Variants in TECPR1 observed in about 807,000 individuals in gnomAD.
TECPR1 encodes tectonin beta-propeller repeat-containing protein 1.
In TECPR1, 122 loss-of-function variants were observed where a neutral mutation model predicts 162.4. The observed-to-expected ratio is 0.75, with a 90% confidence interval of 0.65 to 0.87. The LOEUF (loss-of-function observed/expected upper bound fraction) is 0.87, where lower values mean the gene tolerates loss of function less well. Among genes scored for constraint, TECPR1 ranks in the 40% least tolerant of loss-of-function variants. TECPR1 has a pLI of 0.00. For missense variants in TECPR1, 1,432 were observed against 1,618.2 expected (o/e 0.88, Z 1.97); for synonymous variants, 642 against 670.6 (o/e 0.96, Z 0.66).
rs563039040 is a variant in TECPR1, at chr7:98,233,118, T to C, written c.1673-146A>G. The C allele has an allele frequency of 2.0e-4, 183 of 916,952 alleles. No individual in the cohort carries two copies. In the African/African-American group the frequency reaches 2.5e-3, roughly 12 times the overall value. The allele number at this position is 916,952 out of a possible 1,614,324, so 56.8% of individuals were successfully genotyped here. A position where few individuals can be genotyped will look rare whatever the true frequency, so the allele number is the denominator to read the frequency against. On this transcript the variant is annotated intron_variant, in intron 11 of 25. Transcript: ENST00000447648. ...AGCCTCCTTCCACCCTTTGCCCTGT[T>C]GGATGAGTTGCTCTCCCCCAGTAAT...
Position 98,221,734 on chromosome 7 carries a change from G to A in TECPR1, c.3084C>T (p.Ile1028=). The part of the protein sequence containing the change: ...SQPAGDCWYH[I]PSPPRQRLKQ... ...TCAGCCTCTGTCTCGGTGGGGACGG[G>A]ATGTGGTACCAGCAGTCACCTGCGA... is the stretch of plus-strand genomic sequence containing the variant. Residue 1028 remains isoleucine, a synonymous_variant, in exon 23 of 26, where the codon ATC becomes ATT. Transcript: ENST00000447648. 1 of 1,611,126 alleles carries A rather than the reference G, an allele frequency of 6.2e-7. No individual in the cohort carries two copies. Among genetic ancestry groups the A allele is most frequent in the South Asian group, 1.1e-5 (1 of 90,908 alleles).
chr7:98,223,307 T>TGGCCCC, intron 20 of TECPR1, 137 bp from the exon 21 acceptor site: 1 of 782,472 alleles, frequency 1.3e-6, no homozygotes. Context: ...GGTGGCCTCC[T>TGGCCCC]CCCCACCCCC....
At chr7:98,231,442 C>G in intron 13 of TECPR1, 69 bp from the exon 14 acceptor site, 1 of 1,496,562 alleles carries the variant, frequency 6.7e-7, no homozygotes, top group Non-Finnish European at 9.0e-7. Flanking sequence ...GTGACCCCCA[C>G]TGTGCTTCAC....
intron 10 of TECPR1, among the ~76,000 whole-genome samples, 190 bp downstream of exon 10, chr7:98,236,586 T>G (rs142837137): frequency 0.015 from 2,334 of 151,130 alleles, 21 homozygotes; most frequent in Non-Finnish European, 0.026. Context: ...CCCCAGGACC[T>G]CCTCTCTGTG....
At chr7:98,226,427 C>T (rs535891984) in intron 17 of TECPR1, 1 of 985,350 alleles carries the variant, frequency 1.0e-6, no homozygotes, top group South Asian at 4.7e-5. Flanking sequence ...GTCAGATACA[C>T]TGGGTCCACT....
intron 11 of TECPR1, 178 bp from the exon 12 acceptor site, chr7:98,233,150 T>C: frequency 1.2e-6 from 1 of 840,802 alleles, no homozygotes; most frequent in East Asian, 2.9e-5. Flanking sequence ...TAATTCAGCC[T>C]GGAAAGCAGC....
rs1343666397 is a variant in TECPR1, at chr7:98,215,859, C to T, written c.*1531G>A. 2 of 152,254 alleles carry T rather than the reference C, an allele frequency of 1.3e-5. No homozygotes were observed. The highest frequency in any genetic ancestry group is 2.1e-4 in the South Asian group (1 of 4,834). 9.4% of individuals were successfully genotyped at this position (152,254 alleles called of 1,614,324 possible). A position where few individuals can be genotyped will look rare whatever the true frequency, so the allele number is the denominator to read the frequency against. On this transcript the variant is annotated 3_prime_UTR_variant, in exon 26 of 26. Transcript: ENST00000447648. ...GGACCCATTTCCAGAAACACTGGAA[C>T]ACCAGGTCTCTCAGATGCCCGCGGG...
intron 5 of TECPR1, 129 bp from the exon 6 acceptor site, chr7:98,243,721 G>C: frequency 8.0e-7 from 1 of 1,255,996 alleles, no homozygotes; most frequent in Non-Finnish European, 1.1e-6. Flanking sequence ...TTAATTCACA[G>C]GGAAGGCAGC....
At chr7:98,236,193 A>T (rs1255519358) in intron 10 of TECPR1, among the ~76,000 whole-genome samples, 1 of 152,188 alleles carries the variant, frequency 6.6e-6, no homozygotes, top group Non-Finnish European at 1.5e-5. Flanking sequence ...CCCACGGACC[A>T]CCAGGTGCAG....
rs144927659 is a variant in TECPR1 at position 98,241,039 on chromosome 7, G to A, written c.832+31C>T. On this transcript the variant is annotated intron_variant, in intron 7 of 25. Transcript: ENST00000447648. This position sits in a 1 kb window ranked among gnomAD's most constrained non-coding sequence, Gnocchi z 5.0. Reference sequence around the variant, plus strand: ...ACCCTCACCCTTCTCCCCAGTACAGGGTATGTGGGTGGGGGAGCCGGGCTG... The same window carrying A: ...ACCCTCACCCTTCTCCCCAGTACAGAGTATGTGGGTGGGGGAGCCGGGCTG... The A allele has an allele frequency of 3.4e-3, 5,488 of 1,592,752 alleles. 47 individuals carry two copies. The highest frequency in any genetic ancestry group is 0.034 in the Admixed American group (1,917 of 57,042).
chr7:98,238,099 G>A (rs546926235), intron 9 of TECPR1, among the ~76,000 whole-genome samples: 1 of 152,178 alleles, frequency 6.6e-6, no homozygotes, highest in East Asian at 1.9e-4. Flanking sequence ...AAGATGTAAA[G>A]TAACTTCCCT....
At chr7:98,225,592 T>G (rs1228138849) in intron 17 of TECPR1, among the ~76,000 whole-genome samples, 1 of 151,980 alleles carries the variant, frequency 6.6e-6, no homozygotes, top group African/African-American at 2.4e-5. Context: ...GACACATGCA[T>G]AGAGGGGAAA....
At chr7:98,228,394 C>T in intron 16 of TECPR1, 2 of 418,316 alleles carry the variant, frequency 4.8e-6, no homozygotes, top group East Asian at 4.7e-5. Context: ...GCGCCTCTTC[C>T]CACCTTGCCC....
At chr7:98,226,373 G>T in intron 17 of TECPR1, 1 of 874,020 alleles carries the variant, frequency 1.1e-6, no homozygotes, top group Non-Finnish European at 1.4e-6. Context: ...TCCATAGGAC[G>T]CTGAAAAGGT....
At chr7:98,234,299 C>T (rs941492353) in intron 10 of TECPR1, among the ~76,000 whole-genome samples, 1 of 152,206 alleles carries the variant, frequency 6.6e-6, no homozygotes, top group South Asian at 2.1e-4. Flanking sequence ...AGATTACAGG[C>T]ATGCACCACC....
At chr7:98,218,167 G>A (rs1408044772) in intron 23 of TECPR1, 125 bp from the exon 24 acceptor site, 6 of 735,442 alleles carry the variant, frequency 8.2e-6, no homozygotes, top group Non-Finnish European at 1.4e-5. Flanking sequence ...TGCTGGGGAG[G>A]CAGGAGGGTC....
intron 23 of TECPR1, among the ~76,000 whole-genome samples, chr7:98,219,630 G>A (rs551282455): frequency 1.1e-3 from 172 of 152,348 alleles, no homozygotes; most frequent in African/African-American, 2.5e-3. Context: ...GGCTGGGCGC[G>A]GTGGCTCATG....
chr7:98,247,270 GACA>G (rs1272665140), intron 2 of TECPR1, among the ~76,000 whole-genome samples: 3 of 151,968 alleles, frequency 2.0e-5, no homozygotes, highest in Non-Finnish European at 2.9e-5. Flanking sequence ...AGCCTCCTGG[GACA>G]ACAACAGACA....
intron 8 of TECPR1, 110 bp downstream of exon 8, chr7:98,240,741 G>A: frequency 1.1e-6 from 1 of 911,200 alleles, no homozygotes; most frequent in Non-Finnish European, 1.6e-6. Context: ...TTTAATTTGA[G>A]ACAGGGTCTC....
Sources: allele counts gnomAD v4.1 joint callset (sites outside exome capture counted in the v4.1 genomes callset), GRCh38; gene constraint gnomAD v4.1.1; non-coding constraint Gnocchi (gnomAD v3.1); transcripts MANE v1.5; gene names NCBI Gene and HGNC (gene_info 2026-07-23, HGNC 2026-07-21).